The following TSPAN14 variants were observed in gnomAD, a reference collection of about 807,000 sequenced individuals.
The protein encoded by TSPAN14 is tetraspanin 14, also known as tetraspanin-14.
In TSPAN14, 16 loss-of-function variants were observed where a neutral mutation model predicts 36.6. The observed-to-expected ratio is 0.44, with a 90% CI of 0.30 to 0.66. The LOEUF (loss-of-function observed/expected upper bound fraction) is 0.66. TSPAN14 is among the 30% of genes least tolerant of loss of function. The probability of loss-of-function intolerance (pLI) is 0.12; values close to 1 mark genes in which losing one functional copy is unlikely to be tolerated. For missense variants in TSPAN14, 231 were observed against 355.1 expected, an observed-to-expected ratio of 0.65 and a Z score of 2.81; for synonymous variants, 139 against 143.8, an observed-to-expected ratio of 0.97 and a Z score of 0.24.
At chr10:80,494,576 CT>C (rs1028095439) in intron 2 of TSPAN14, among the ~76,000 whole-genome samples, 1 of 152,128 alleles carries the variant, frequency 6.6e-6, no homozygotes, top group Non-Finnish European at 1.5e-5. Context: ...TATTATGCTC[CT>C]CTTTATAGAG....
intron 7 of TSPAN14, among the ~76,000 whole-genome samples, 182 bp downstream of exon 7, chr10:80,514,245 G>A (rs1444913459): frequency 6.6e-6 from 1 of 152,214 alleles, no homozygotes; most frequent in Non-Finnish European, 1.5e-5. Context: ...CTGGCGGCAG[G>A]ACTCCTGGGA....
intron 1 of TSPAN14, among the ~76,000 whole-genome samples, chr10:80,460,244 A>C (rs1290262048): frequency 6.6e-6 from 1 of 152,122 alleles, no homozygotes; most frequent in Non-Finnish European, 1.5e-5. Flanking sequence ...GGAAATTTTT[A>C]CTAAACTTAG....
intron 7 of TSPAN14, chr10:80,515,372 C>T (rs1421019269): frequency 6.6e-6 from 1 of 152,326 alleles, no homozygotes; most frequent in Non-Finnish European, 1.5e-5. Flanking sequence ...CACGTGGGCT[C>T]CCCTCTGTGC....
intron 1 of TSPAN14, among the ~76,000 whole-genome samples, chr10:80,479,935 T>C (rs1329274715): frequency 1.4e-5 from 2 of 146,582 alleles, no homozygotes; most frequent in Non-Finnish European, 3.0e-5. Flanking sequence ...GCATGGAATG[T>C]TCTTCCATTT....
intron 1 of TSPAN14, chr10:80,485,679 A>G: frequency 1.0e-6 from 1 of 985,470 alleles, no homozygotes; most frequent in Non-Finnish European, 1.2e-6. Flanking sequence ...GCTGGCCAAC[A>G]CAGCAGAGAG....
At chr10:80,463,372 CCTATTT>C (rs1846079358) in intron 1 of TSPAN14, among the ~76,000 whole-genome samples, 1 of 152,158 alleles carries the variant, frequency 6.6e-6, no homozygotes, top group African/African-American at 2.4e-5. Context: ...GGTGAAAACT[CCTATTT>C]CTATCCCTGA....
intron 7 of TSPAN14, 124 bp downstream of exon 7, chr10:80,514,187 C>A: frequency 1.2e-6 from 1 of 855,592 alleles, no homozygotes; most frequent in South Asian, 1.5e-5. Context: ...GCTCTTGATG[C>A]CACCTAAGCT....
intron 1 of TSPAN14, among the ~76,000 whole-genome samples, chr10:80,488,502 A>G (rs920029118): frequency 6.7e-6 from 1 of 148,332 alleles, no homozygotes; most frequent in Non-Finnish European, 1.5e-5. Flanking sequence ...GGACAAAGCT[A>G]TGGCTATAGT....
chr10:80,515,929 G>C, intron 7 of TSPAN14: 1 of 450,454 alleles, frequency 2.2e-6, no homozygotes, highest in Non-Finnish European at 4.0e-6. Context: ...GTGGGGAAGG[G>C]TATCTTGAGA....
Position 80,466,006 on chromosome 10 carries a change from AG to A in TSPAN14, c.-18+11637del, listed in dbSNP as rs141125800. Among the ~76,000 whole-genome samples the A allele has an allele frequency of 7.4e-3, 1,122 of 152,176 alleles. 16 individuals carry two copies. The highest frequency in any genetic ancestry group is 0.025 in the African/African-American group (1,057 of 41,494). ...ACCCGCTGTCTGACTTCTCTATCTG[AG>A]GTGTGCCCGCCCCAACCCATACTGT... On this transcript the variant is annotated intron_variant, in intron 1 of 8. Coordinates refer to ENST00000429989, the Ensembl canonical transcript of TSPAN14.
intron 1 of TSPAN14, among the ~76,000 whole-genome samples, chr10:80,469,871 C>T (rs1018292884): frequency 1.3e-5 from 2 of 151,934 alleles, no homozygotes; most frequent in East Asian, 3.9e-4. Context: ...TCCAGATTGC[C>T]GTCCTTTGAG....
intron 1 of TSPAN14, among the ~76,000 whole-genome samples, chr10:80,475,641 G>A (rs900478568): frequency 8.5e-5 from 13 of 152,260 alleles, no homozygotes; most frequent in African/African-American, 2.9e-4. Context: ...AGGCTGGAGT[G>A]CAGTGGCGCG....
At chr10:80,517,519 C>A (rs1841001096) in intron 8 of TSPAN14, among the ~76,000 whole-genome samples, 1 of 152,218 alleles carries the variant, frequency 6.6e-6, no homozygotes, top group African/African-American at 2.4e-5. Context: ...AGGAAACATT[C>A]AAGATTTATT....
At chr10:80,507,155 C>G in intron 3 of TSPAN14, 73 bp from the exon 4 acceptor site, 1 of 1,576,390 alleles carries the variant, frequency 6.3e-7, no homozygotes, top group East Asian at 2.3e-5. Flanking sequence ...TCAGTACCAC[C>G]TGCATCCCCC....
intron 4 of TSPAN14, among the ~76,000 whole-genome samples, chr10:80,508,608 G>T (rs1201166526): frequency 6.6e-6 from 1 of 152,062 alleles, no homozygotes; most frequent in Non-Finnish European, 1.5e-5. Context: ...TTGTGGCCTG[G>T]GGCAGCTGAG....
rs776376071 is a variant in TSPAN14 at position 80,516,341 on chromosome 10, A to G, written c.741+18A>G. 1.9e-6 allele frequency: 3 copies of G among 1,614,004 alleles called. No individual in the cohort carries two copies. The highest frequency in any genetic ancestry group is 1.7e-5 in the Admixed American group (1 of 60,020). On this transcript the variant is annotated intron_variant, in intron 8 of 8. Transcript: ENST00000429989. The stretch of plus-strand genomic sequence containing the variant: ...TGTTGCAGGTGTGTCCCAGGAGCCT[A>G]TAGGATTGGCAGGTGGCCTTTTTTC...
intron 1 of TSPAN14, among the ~76,000 whole-genome samples, chr10:80,455,236 G>C (rs1285930470): frequency 5.3e-5 from 8 of 152,176 alleles, no homozygotes; most frequent in Non-Finnish European, 1.2e-4. Flanking sequence ...TCTCCGGCGA[G>C]AAACAGTCCG....
intron 1 of TSPAN14, among the ~76,000 whole-genome samples, chr10:80,475,411 A>G (rs1350638029): frequency 6.6e-6 from 1 of 152,134 alleles, no homozygotes; most frequent in East Asian, 1.9e-4. Context: ...ACAAAAAATT[A>G]AAAAATTAAC....
At position 80,511,401 on chromosome 10, in the gene TSPAN14, A is replaced by G. The variant is rs1323954188; in HGVS notation, c.451-743A>G. Among the ~76,000 whole-genome samples, 8 of 152,310 alleles carry G rather than the reference A, an allele frequency of 5.3e-5. No homozygotes were observed. The East Asian group carries it at 1.5e-3, about 29-fold the overall frequency. Reference sequence around the variant, plus strand: ...GTTTCTCAGGGAGGAAGAACACTGCACACTAGGAAGTGTTCTCTTGTGGCA... The same window carrying G: ...GTTTCTCAGGGAGGAAGAACACTGCGCACTAGGAAGTGTTCTCTTGTGGCA... On this transcript the variant is annotated intron_variant, in intron 5 of 8. Coordinates refer to ENST00000429989, the Ensembl canonical transcript of TSPAN14.
Sources: allele counts gnomAD v4.1 joint callset (sites outside exome capture counted in the v4.1 genomes callset), GRCh38; gene constraint gnomAD v4.1.1; transcripts MANE v1.5; gene names NCBI Gene and HGNC (gene_info 2026-07-23, HGNC 2026-07-21).